The following WTAP variants were observed in gnomAD, a reference collection of about 807,000 sequenced individuals.
WTAP encodes pre-mRNA-splicing regulator WTAP.
Under a neutral mutation model 50.0 loss-of-function variants are expected in WTAP, and 8 were observed. The observed-to-expected ratio is 0.16, with a 90% CI of 0.09 to 0.29. The LOEUF (loss-of-function observed/expected upper bound fraction) is 0.29. WTAP is among the 10% of genes least tolerant of loss of function. The probability of loss-of-function intolerance (pLI) is 1.00; values close to 1 mark genes in which losing one functional copy is unlikely to be tolerated. For synonymous variants in WTAP, 194 were observed against 169.0 expected, an observed-to-expected ratio of 1.15 and a Z score of -1.15; for missense variants, 295 against 470.7, an observed-to-expected ratio of 0.63 and a Z score of 3.45.
At chr6:159,734,730 T>G (rs1432735396) in intron 1 of WTAP, among the ~76,000 whole-genome samples, 2 of 152,206 alleles carry the variant, frequency 1.3e-5, no homozygotes, top group African/African-American at 4.8e-5. Context: ...CAAATGCAAT[T>G]TAGATGCTTT....
At position 159,748,868 on chromosome 6, in the gene WTAP, C is replaced by G. The variant is rs1779716081; in HGVS notation, c.452+499C>G. ...ATAGTGACTTAGAGACACTGTGTAT[C>G]AGTTTTGCCAATAAGACTGTGGACT... On this transcript the variant is annotated intron_variant, in intron 6 of 7. Transcript: ENST00000621533. The surrounding 1 kb of genome is among the most constrained non-coding windows in gnomAD (Gnocchi z 5.6). 2 of 1,206,468 alleles carry G rather than the reference C, an allele frequency of 1.7e-6. No homozygotes were observed. The highest frequency in any genetic ancestry group is 3.1e-5 in the African/African-American group (2 of 63,762). The allele number at this position is 1,206,468 out of a possible 1,614,324, so 74.7% of individuals were successfully genotyped here. A position where few individuals can be genotyped will look rare whatever the true frequency, so the allele number is the denominator to read the frequency against.
In WTAP at chr6:159,754,266, T is replaced by A. The variant is rs528602110; in HGVS notation, c.607+652T>A. Among the ~76,000 whole-genome samples the A allele has an allele frequency of 2.6e-5, 4 of 152,330 alleles. No individual in the cohort carries two copies. The East Asian group carries it at 7.7e-4, about 29-fold the overall frequency. ...TTCTGAACTACCTACCTTTTCAAAA[T>A]CTTCAGGAATTATTTCCTGTGACTT... On this transcript the variant is annotated intron_variant, in intron 7 of 7. Coordinates refer to ENST00000621533, the MANE Select transcript of WTAP (RefSeq NM_001270531.2).
At chr6:159,727,050 C>A, upstream of WTAP, 1 of 1,219,612 alleles carries the variant, frequency 8.2e-7, no homozygotes, top group Non-Finnish European at 1.0e-6. Context: ...GCGAGTACTT[C>A]CACCTTCCCT....
intron 1 of WTAP, among the ~76,000 whole-genome samples, chr6:159,731,198 A>C (rs1436357617): frequency 6.6e-6 from 1 of 151,914 alleles, no homozygotes; most frequent in Non-Finnish European, 1.5e-5. Context: ...ATGGTGGCTC[A>C]CAACTGTAGT....
At position 159,727,559 on chromosome 6, in the gene WTAP, G is replaced by C. The variant is rs908408109; in HGVS notation, c.-153G>C. On this transcript the variant is annotated 5_prime_UTR_variant, in exon 1 of 8. Transcript: ENST00000621533. Reference sequence around the variant, plus strand: ...GACCCACAAATAAAGGGGAGCGCAGGGGTTGCGGCGGGACTAGGAGCGCGG... The same window carrying C: ...GACCCACAAATAAAGGGGAGCGCAGCGGTTGCGGCGGGACTAGGAGCGCGG... 2.3e-5 allele frequency: 23 copies of C among 988,768 alleles called. No individual in the cohort carries two copies. The African/African-American group carries it at 3.5e-4, about 15-fold the overall frequency. 61.2% of individuals were successfully genotyped at this position (988,768 alleles called of 1,614,324 possible).
rs1393749054 is a variant in WTAP at position 159,727,672 on chromosome 6, C to T, written c.-40C>T. 2.0e-6 allele frequency: 2 copies of T among 984,784 alleles called. No homozygotes were observed. Among genetic ancestry groups the T allele is most frequent in the Non-Finnish European group, 2.4e-6 (2 of 829,976 alleles). 61.0% of individuals were successfully genotyped at this position (984,784 alleles called of 1,614,324 possible). On this transcript the variant is annotated 5_prime_UTR_variant, in exon 1 of 8. Coordinates refer to ENST00000621533, the MANE Select transcript of WTAP (RefSeq NM_001270531.2). ...GCAGCGCGGCCTCGGCCTATGCGACCGGTGGCGCCGGCGCGGCTTCTGCCT... is the reference window on the plus strand; with the variant it reads ...GCAGCGCGGCCTCGGCCTATGCGACTGGTGGCGCCGGCGCGGCTTCTGCCT...
At position 159,755,717 on chromosome 6, in the gene WTAP, G is replaced by GTT; in HGVS notation, c.*109_*110dup. 1.0e-6 allele frequency: 1 copy of GTT among 980,998 alleles called. No individual in the cohort carries two copies. The highest frequency in any genetic ancestry group is 1.2e-6 in the Non-Finnish European group (1 of 838,324). 60.8% of individuals were successfully genotyped at this position (980,998 alleles called of 1,614,324 possible). ...ACAATTTGCCTTTTTGTGGGTGTAC[G>GTT]TTTTGGTTTTTTTTTGTTGTTTTTT... On this transcript the variant is annotated 3_prime_UTR_variant, in exon 8 of 8. Transcript: ENST00000621533.
chr6:159,736,398 G>A (rs1322558283), intron 2 of WTAP, 103 bp downstream of exon 2: 2 of 941,702 alleles, frequency 2.1e-6, no homozygotes, highest in African/African-American at 1.7e-5. Flanking sequence ...ATCGTTGTTT[G>A]CTTATTTTTC....
upstream of WTAP, chr6:159,727,439 T>C (rs1480431324): frequency 2.1e-5 from 22 of 1,057,902 alleles, no homozygotes; most frequent in Non-Finnish European, 2.5e-5. Flanking sequence ...TCGGACCGGC[T>C]GTGGGGCGGG....
At chr6:159,731,118 G>A (rs146117243) in intron 1 of WTAP, among the ~76,000 whole-genome samples, 1 of 151,920 alleles carries the variant, frequency 6.6e-6, no homozygotes, top group East Asian at 1.9e-4. Context: ...TCCAGCCTGG[G>A]CAACAGAGAG....
intron 5 of WTAP, among the ~76,000 whole-genome samples, chr6:159,747,169 C>CT (rs1226297005): frequency 6.6e-6 from 1 of 152,140 alleles, no homozygotes; most frequent in Non-Finnish European, 1.5e-5. Context: ...GCCAGATCTA[C>CT]TTTGAGTATG....
At chr6:159,754,815 C>A (rs573764191) in intron 7 of WTAP, among the ~76,000 whole-genome samples, 1 of 152,052 alleles carries the variant, frequency 6.6e-6, no homozygotes, top group Non-Finnish European at 1.5e-5. Flanking sequence ...TGTGGAGGGC[C>A]AACTGTATAT....
intron 1 of WTAP, 32 bp downstream of exon 1, chr6:159,727,735 CG>C (rs1778284510): frequency 1.0e-6 from 1 of 985,254 alleles, no homozygotes; most frequent in African/African-American, 1.7e-5. Context: ...GGAGCGGACG[CG>C]GGGGACCTCC....
chr6:159,727,556 C>A lies in WTAP; in HGVS notation c.-156C>A, dbSNP rs867150630. 1.1e-5 allele frequency: 11 copies of A among 988,884 alleles called. No homozygotes were observed. The highest frequency in any genetic ancestry group is 1.3e-5 in the Non-Finnish European group (11 of 832,784). The allele number at this position is 988,884 out of a possible 1,614,324, so 61.3% of individuals were successfully genotyped here. ...CGAGACCCACAAATAAAGGGGAGCGCAGGGGTTGCGGCGGGACTAGGAGCG... is the reference window on the plus strand; with the variant it reads ...CGAGACCCACAAATAAAGGGGAGCGAAGGGGTTGCGGCGGGACTAGGAGCG... On this transcript the variant is annotated 5_prime_UTR_variant, in exon 1 of 8. Coordinates refer to ENST00000621533, the MANE Select transcript of WTAP (RefSeq NM_001270531.2).
chr6:159,755,507 C>G lies in WTAP; in HGVS notation c.1087C>G (p.Gln363Glu), dbSNP rs1465999594. 6.1e-5 allele frequency: 98 copies of G among 1,614,144 alleles called. No individual in the cohort carries two copies. The highest frequency in any genetic ancestry group is 8.3e-5 in the Non-Finnish European group (98 of 1,180,032). The change falls in exon 8 of 8, where the codon CAA (glutamine) becomes GAA (glutamate). Residue 363 changes from glutamine to glutamate, a missense_variant. Gln to Glu is a conservative substitution (Grantham distance 29). Around this residue, in one of 2 missense-constraint regions of WTAP, gnomAD observed 175 missense variants for 183.1 expected, o/e 0.96. Transcript: ENST00000621533. ...SNDTDSSHDPQEEKAVSGKGN... is the reference protein window; with the variant it reads ...SNDTDSSHDPEEEKAVSGKGN... ...TGACACAGACTCCAGTCATGACCCT[C>G]AAGAGGAGAAAGCAGTGAGTGGGAA...
At chr6:159,742,028 C>T in intron 3 of WTAP, 60 bp from the exon 4 acceptor site, 3 of 1,173,070 alleles carry the variant, frequency 2.6e-6, no homozygotes, top group Non-Finnish European at 3.7e-6. Context: ...TAGATATCTT[C>T]TAGTTTATTT....
chr6:159,754,883 C>A, intron 7 of WTAP, 145 bp from the exon 8 acceptor site: 1 of 928,648 alleles, frequency 1.1e-6, no homozygotes, highest in East Asian at 2.8e-5. Context: ...AGATTCCAAG[C>A]AAAATTTTTA....
chr6:159,726,734 C>A (rs955099990), upstream of WTAP: 66 of 1,278,168 alleles, frequency 5.2e-5, no homozygotes, highest in Non-Finnish European at 6.7e-5. Context: ...CGCCAGAGAA[C>A]AATAGCTCCT....
chr6:159,754,967 A>G, intron 7 of WTAP, 61 bp from the exon 8 acceptor site: 3 of 1,465,698 alleles, frequency 2.0e-6, no homozygotes, highest in South Asian at 1.5e-5. Flanking sequence ...GGCAGGCACT[A>G]AAGAAACATT....
Sources: gnomAD v4.1 joint callset for allele counts (sites outside exome capture counted in the v4.1 genomes callset) on GRCh38, gnomAD v4.1.1 for gene constraint, gnomAD v4.1.1 regional missense constraint, Gnocchi (gnomAD v3.1) non-coding constraint, MANE v1.5 for transcripts, NCBI Gene and HGNC (gene_info 2026-07-23, HGNC 2026-07-21) for gene names.